Variants in DNMT3A observed in about 807,000 individuals in gnomAD.
DNMT3A encodes the protein DNA (cytosine-5)-methyltransferase 3A.
DNMT3A carries 267 observed loss-of-function variants against 117.6 expected under a neutral mutation model. That is an observed-to-expected ratio of 2.27 (90% CI 2.05 to 2.51). The LOEUF (loss-of-function observed/expected upper bound fraction) is 2.51. Among genes scored for constraint, DNMT3A ranks in the 30% most tolerant of loss-of-function variants. The pLI is 0.00. For missense variants in DNMT3A, 1,029 were observed against 1,260.2 expected (o/e 0.82, Z 2.78); for synonymous variants, 432 against 474.8 (o/e 0.91, Z 1.17).
chr2:25,263,692 G>T (rs1216678896), intron 6 of DNMT3A, among the ~76,000 whole-genome samples: 1 of 152,132 alleles, frequency 6.6e-6, no homozygotes, highest in African/African-American at 2.4e-5. Flanking sequence ...TGCTTTGTCA[G>T]CCCCATAGAC....
rs1182543816 is a variant in DNMT3A, at chr2:25,235,820, G to C, written c.2484C>G (p.Ser828Arg). The C allele has an allele frequency of 6.2e-7, 1 of 1,613,600 alleles. No individual in the cohort carries two copies. Among genetic ancestry groups the C allele is most frequent in the Admixed American group, 1.7e-5 (1 of 59,976 alleles). ...CLEHGRIAKF[S>R]KVRTITTRSN... is the part of the protein sequence containing the mutation. Reference sequence around the variant, plus strand: ...ACCTCGTAGTAATGGTCCTCACTTTGCTGAACTAGATGAAGAGGAGAAAAG... The same window carrying C: ...ACCTCGTAGTAATGGTCCTCACTTTCCTGAACTAGATGAAGAGGAGAAAAG... Residue 828 changes from serine (S) to arginine (R), a missense_variant, in exon 22 of 23, where the codon AGC (serine) becomes AGG (arginine). By Grantham distance (110) the Ser-to-Arg change is moderately radical. Coordinates refer to ENST00000321117, the MANE Select transcript of DNMT3A (RefSeq NM_022552.5).
chr2:25,250,300 A>G (rs1489824368), intron 6 of DNMT3A, among the ~76,000 whole-genome samples: 3 of 152,236 alleles, frequency 2.0e-5, no homozygotes, highest in African/African-American at 7.2e-5. Flanking sequence ...GCCACAGACC[A>G]ATCTGTTTCT....
chr2:25,240,537 C>G, intron 18 of DNMT3A, 87 bp from the exon 19 acceptor site: 1 of 1,586,230 alleles, frequency 6.3e-7, no homozygotes. Context: ...CACGGGAAGA[C>G]AGGGTCATCG....
Position 25,229,761 on chromosome 2 carries a change from A to T in DNMT3A, c.*4518T>A, listed in dbSNP as rs551748668. The T allele has an allele frequency of 3.6e-4, 55 of 152,360 alleles. No homozygotes were observed. The highest frequency in any genetic ancestry group is 1.3e-3 in the African/African-American group (55 of 41,588). 9.4% of individuals were successfully genotyped at this position (152,360 alleles called of 1,614,324 possible). A position where few individuals can be genotyped will look rare whatever the true frequency, so the allele number is the denominator to read the frequency against. On this transcript the variant is annotated 3_prime_UTR_variant, in exon 23 of 23. Coordinates refer to ENST00000321117, the MANE Select transcript of DNMT3A (RefSeq NM_022552.5). ...CGCACCAAGCAGAGTAGCAACAGGA[A>T]TTCAAAACTGCCTCCCAAATGTACT... is the stretch of plus-strand genomic sequence containing the variant.
intron 2 of DNMT3A, among the ~76,000 whole-genome samples, chr2:25,300,744 TATATATATATATATATATATATATAA>T (rs1395034658): frequency 2.1e-5 from 1 of 47,530 alleles, no homozygotes; most frequent in Non-Finnish European, 3.9e-5. Flanking sequence ...TATATATATA[TATATATATATATATATATATATATAA>T]ATAATACATC....
chr2:25,266,942 G>C (rs919186716), intron 6 of DNMT3A, among the ~76,000 whole-genome samples: 9 of 152,142 alleles, frequency 5.9e-5, no homozygotes, highest in African/African-American at 2.2e-4. Context: ...AGAAACAGAT[G>C]CACAAAGAGG....
chr2:25,275,653 C>T, intron 4 of DNMT3A, 110 bp from the exon 5 acceptor site: 2 of 1,224,136 alleles, frequency 1.6e-6, no homozygotes, highest in Non-Finnish European at 2.2e-6. Context: ...GATGGGGGTC[C>T]TCTGGCCGTT....
At chr2:25,315,107 G>A (rs1388186293) in intron 1 of DNMT3A, among the ~76,000 whole-genome samples, 3 of 152,144 alleles carry the variant, frequency 2.0e-5, no homozygotes, top group African/African-American at 7.2e-5. Flanking sequence ...GAGAGCGGGA[G>A]GCAGGCTGGA....
At chr2:25,309,007 A>ACACACACG (rs2033938180) in intron 2 of DNMT3A, among the ~76,000 whole-genome samples, 1 of 151,934 alleles carries the variant, frequency 6.6e-6, no homozygotes, top group Admixed American at 6.6e-5. Flanking sequence ...ACACGCACGC[A>ACACACACG]CATGTGCAAA....
At chr2:25,246,570 GGATCTGC>G (rs1240289950) in intron 10 of DNMT3A, 43 bp downstream of exon 10, 1 of 1,578,472 alleles carries the variant, frequency 6.3e-7, no homozygotes, top group East Asian at 2.3e-5. Context: ...GCCCTGGTGT[GGATCTGC>G]CTGGCGGGCA....
rs760376394 is a variant in DNMT3A, at chr2:25,245,324, T to C, written c.1483A>G (p.Ile495Val). 3 of 1,613,584 alleles carry C rather than the reference T, an allele frequency of 1.9e-6. No individual in the cohort carries two copies. Among genetic ancestry groups the C allele is most frequent in the Non-Finnish European group, 2.5e-6 (3 of 1,179,886 alleles). ...GTAACATTGAGGCTCCCACAGGAGA[T>C]GCAGATGTCTGGAAAGCAGAGGGAG... ...QKCRNIEDIC[I>V]SCGSLNVTLE... The change falls in exon 13 of 23, where the codon ATC becomes GTC. Residue 495 changes from isoleucine to valine, a missense_variant. Coordinates refer to ENST00000321117, the MANE Select transcript of DNMT3A (RefSeq NM_022552.5).
rs752382240 is a variant in DNMT3A at position 25,254,071 on chromosome 2, C to CAAAAA, written c.640-5824_640-5820dup. ...TGGGCAACAGAGCGAGACTCCGTCT[C>CAAAAA]AAAAAAAAAAAAAAAAAAGATCTGG... On this transcript the variant is annotated intron_variant, in intron 6 of 22. Coordinates refer to ENST00000321117, the MANE Select transcript of DNMT3A (RefSeq NM_022552.5). The surrounding 1 kb of genome is among the most constrained non-coding windows in gnomAD (Gnocchi z 4.7). Among the ~76,000 whole-genome samples, 1 of 71,110 alleles carries CAAAAA rather than the reference C, an allele frequency of 1.4e-5. No homozygotes were observed. Among genetic ancestry groups the CAAAAA allele is most frequent in the South Asian group, 4.8e-4 (1 of 2,074 alleles). 46.7% of individuals were successfully genotyped at this position (71,110 alleles called of 152,430 possible). A position where few individuals can be genotyped will look rare whatever the true frequency, so the allele number is the denominator to read the frequency against.
intron 6 of DNMT3A, among the ~76,000 whole-genome samples, chr2:25,255,979 G>A (rs1676080014): frequency 6.6e-6 from 1 of 152,156 alleles, no homozygotes; most frequent in South Asian, 2.1e-4. Context: ...GTTCCGGCAG[G>A]ATGAGGGTAG....
intron 1 of DNMT3A, among the ~76,000 whole-genome samples, chr2:25,318,688 T>C (rs2034473071): frequency 6.6e-6 from 1 of 151,776 alleles, no homozygotes; most frequent in Non-Finnish European, 1.5e-5. Context: ...GACATTTTCT[T>C]TTTTCTTTTC....
chr2:25,254,791 C>T lies in DNMT3A; in HGVS notation c.640-6539G>A, dbSNP rs991057598. ...GACACTGTCTCATGTACGATACCCG[C>T]TCTTCCATTATAATGCGGCTAAACA... On this transcript the variant is annotated intron_variant, in intron 6 of 22. Coordinates refer to ENST00000321117, the MANE Select transcript of DNMT3A (RefSeq NM_022552.5). This position sits in a 1 kb window ranked among gnomAD's most constrained non-coding sequence, Gnocchi z 4.7. Among the ~76,000 whole-genome samples the T allele has an allele frequency of 6.6e-6, 1 of 152,182 alleles. No individual in the cohort carries two copies. Among genetic ancestry groups the T allele is most frequent in the African/African-American group, 2.4e-5 (1 of 41,432 alleles).
intron 1 of DNMT3A, among the ~76,000 whole-genome samples, chr2:25,326,413 G>A (rs1270200188): frequency 1.3e-5 from 2 of 152,150 alleles, no homozygotes; most frequent in Non-Finnish European, 2.9e-5. Flanking sequence ...TTGTATGGGA[G>A]TTCAGATGTT....
rs751868166 is a variant in DNMT3A at position 25,234,304 on chromosome 2, A to G, written c.2714T>C (p.Leu905Pro). 3 of 1,613,936 alleles carry G rather than the reference A, an allele frequency of 1.9e-6. No homozygotes were observed. Among genetic ancestry groups the G allele is most frequent in the Non-Finnish European group, 2.5e-6 (3 of 1,179,902 alleles). Residue 905 changes from leucine (L) to proline (P), a missense_variant, in exon 23 of 23, where the codon CTG (leucine) becomes CCG (proline). Coordinates refer to ENST00000321117, the MANE Select transcript of DNMT3A (RefSeq NM_022552.5). The surrounding 1 kb of genome is among the most constrained non-coding windows in gnomAD (Gnocchi z 4.5). The part of the protein sequence containing the change: ...VPVIRHLFAP[L>P]KEYFACV ...TTACACACACGCAAAATACTCCTTC[A>G]GCGGAGCGAAGAGGTGGCGGATGAC...
intron 20 of DNMT3A, among the ~76,000 whole-genome samples, chr2:25,238,639 CA>C (rs1273946197): frequency 6.6e-6 from 1 of 152,088 alleles, no homozygotes; most frequent in African/African-American, 2.4e-5. Flanking sequence ...AAAATCTCTC[CA>C]AAAAAGGACC....
chr2:25,322,655 G>A (rs1437369530), intron 1 of DNMT3A, among the ~76,000 whole-genome samples: 3 of 130,298 alleles, frequency 2.3e-5, no homozygotes, highest in Non-Finnish European at 3.2e-5. Flanking sequence ...CCCCACTGCC[G>A]CCCCCACTTC....
Sources: allele counts gnomAD v4.1 joint callset (sites outside exome capture counted in the v4.1 genomes callset), GRCh38; gene constraint gnomAD v4.1.1; non-coding constraint Gnocchi (gnomAD v3.1); transcripts MANE v1.5; gene names NCBI Gene and HGNC (gene_info 2026-07-23, HGNC 2026-07-21).